Variants in ERICH1 observed in about 807,000 individuals in gnomAD.
ERICH1 encodes glutamate-rich protein 1.
Under a neutral mutation model 39.6 loss-of-function variants are expected in ERICH1, and 56 were observed. That is an observed-to-expected ratio of 1.41 (90% CI 1.14 to 1.77). The LOEUF is 1.77. Ranked by LOEUF, ERICH1 falls within the 40% of genes most tolerant of loss-of-function variation. ERICH1 has a pLI of 0.00. For missense variants in ERICH1, 826 were observed against 575.4 expected (o/e 1.44, Z -4.45); for synonymous variants, 313 against 223.6 (o/e 1.40, Z -3.57).
chr8:695,126 C>A (rs1585384937), intron 2 of ERICH1, among the ~76,000 whole-genome samples: 1 of 152,096 alleles, frequency 6.6e-6, no homozygotes, highest in African/African-American at 2.4e-5. Context: ...TCCTTTCTCC[C>A]CGTCAGGTTC....
chr8:728,172 G>A (rs1007139947), intron 1 of ERICH1, among the ~76,000 whole-genome samples: 3 of 152,230 alleles, frequency 2.0e-5, no homozygotes, highest in African/African-American at 7.2e-5. Context: ...GAGGGCCAGA[G>A]CCAAATCCCT....
At chr8:728,314 G>C (rs1212649995) in intron 1 of ERICH1, among the ~76,000 whole-genome samples, 4 of 152,210 alleles carry the variant, frequency 2.6e-5, no homozygotes, top group Non-Finnish European at 5.9e-5. Context: ...TCACCAACAC[G>C]AGATGTCCTG....
chr8:663,712 G>C (rs1480404161), downstream of ERICH1, among the ~76,000 whole-genome samples: 2 of 151,914 alleles, frequency 1.3e-5, no homozygotes, highest in South Asian at 2.1e-4. Flanking sequence ...CCCTTTCATA[G>C]ATAGAGGCAC....
chr8:697,213 C>G (rs928504393), intron 2 of ERICH1, among the ~76,000 whole-genome samples: 1 of 152,216 alleles, frequency 6.6e-6, no homozygotes, highest in Non-Finnish European at 1.5e-5. Flanking sequence ...TGTCTTGGTG[C>G]TGAGGCTCCC....
chr8:724,322 A>T (rs894903160), intron 1 of ERICH1, among the ~76,000 whole-genome samples: 2 of 152,242 alleles, frequency 1.3e-5, no homozygotes, highest in South Asian at 2.1e-4. Context: ...CAAATAAAAA[A>T]GGAGAAGAAA....
At chr8:657,873 C>T (rs979285045) in intron 3 of ERICH1, among the ~76,000 whole-genome samples, 4 of 152,108 alleles carry the variant, frequency 2.6e-5, no homozygotes, top group South Asian at 2.1e-4. Flanking sequence ...GCCATGAACA[C>T]GAGCACTGCC....
At chr8:684,396 G>C (rs1806830275) in intron 3 of ERICH1, among the ~76,000 whole-genome samples, 1 of 152,176 alleles carries the variant, frequency 6.6e-6, no homozygotes, top group African/African-American at 2.4e-5. Context: ...TTTAAATAGA[G>C]TAAATGTATC....
chr8:634,168 C>CAAAAAAAAAAAAAAAAAAAAACAA (rs56687918), intron 3 of ERICH1, among the ~76,000 whole-genome samples: 1 of 92,004 alleles, frequency 1.1e-5, no homozygotes, highest in Non-Finnish European at 2.3e-5. Flanking sequence ...TCCTAAAACT[C>CAAAAAAAAAAAAAAAAAAAAACAA]AAAAAAAAAA....
chr8:632,262 A>C (rs1385338793), intron 3 of ERICH1, among the ~76,000 whole-genome samples: 1 of 152,086 alleles, frequency 6.6e-6, no homozygotes, highest in Non-Finnish European at 1.5e-5. Flanking sequence ...TCTGCTTTTG[A>C]GATAGTTTTT....
At chr8:615,241 C>G (rs932686923) in exon 4 of ERICH1, 2 of 697,000 alleles carry the variant, frequency 2.9e-6, no homozygotes, top group Non-Finnish European at 5.2e-6. Context: ...GCCCCTCTCT[C>G]TTTCCTCTTC....
intron 3 of ERICH1, among the ~76,000 whole-genome samples, chr8:691,744 C>CA (rs1325256675): frequency 6.6e-6 from 1 of 152,154 alleles, no homozygotes; most frequent in Non-Finnish European, 1.5e-5. Context: ...CAAAAGCAGT[C>CA]AAAAACCACA....
intron 3 of ERICH1, among the ~76,000 whole-genome samples, chr8:677,935 C>T (rs1805232509): frequency 6.6e-6 from 1 of 152,118 alleles, no homozygotes; most frequent in Non-Finnish European, 1.5e-5. Flanking sequence ...TCGCCAGTGT[C>T]GTACCCCGGG....
chr8:719,032 G>T (rs1816693906), intron 1 of ERICH1, among the ~76,000 whole-genome samples: 1 of 152,172 alleles, frequency 6.6e-6, no homozygotes, highest in African/African-American at 2.4e-5. Context: ...ACCCTCCTGA[G>T]GAGCTTCCCC....
chr8:652,836 G>A (rs982768104), intron 3 of ERICH1, among the ~76,000 whole-genome samples: 5 of 152,280 alleles, frequency 3.3e-5, no homozygotes, highest in Non-Finnish European at 5.9e-5. Flanking sequence ...AGGTCAACAC[G>A]CACGCAAAAA....
intron 1 of ERICH1, among the ~76,000 whole-genome samples, chr8:729,837 T>C (rs185897411): frequency 1.3e-5 from 2 of 152,170 alleles, no homozygotes; most frequent in East Asian, 1.9e-4. Context: ...GTTGATTAGG[T>C]ACATTACAGA....
intron 3 of ERICH1, among the ~76,000 whole-genome samples, chr8:650,735 T>A (rs1799843125): frequency 6.6e-6 from 1 of 152,148 alleles, no homozygotes; most frequent in Non-Finnish European, 1.5e-5. Flanking sequence ...CAGCACACGC[T>A]GATAAAAGGG....
chr8:629,579 G>A (rs6985262), intron 3 of ERICH1, among the ~76,000 whole-genome samples: 5 of 86,702 alleles, frequency 5.8e-5, no homozygotes, highest in East Asian at 3.0e-4. Flanking sequence ...CACACCCGCC[G>A]GTGACCACCC....
chr8:658,654 A>T (rs1158109270), intron 3 of ERICH1, among the ~76,000 whole-genome samples: 1 of 152,172 alleles, frequency 6.6e-6, no homozygotes, highest in Admixed American at 6.5e-5. Context: ...CAATGAGATC[A>T]TCAGGGCGGT....
intron 1 of ERICH1, among the ~76,000 whole-genome samples, chr8:729,904 A>G (rs1192276362): frequency 6.6e-6 from 1 of 152,078 alleles, no homozygotes; most frequent in Non-Finnish European, 1.5e-5. Context: ...AGAAGAGTGC[A>G]AACATTTGAA....
Sources: gnomAD v4.1 joint callset for allele counts (sites outside exome capture counted in the v4.1 genomes callset) on GRCh38, gnomAD v4.1.1 for gene constraint, MANE v1.5 for transcripts, NCBI Gene and HGNC (gene_info 2026-07-23, HGNC 2026-07-21) for gene names.